Variants in LRRIQ3 observed in about 807,000 individuals in gnomAD.
LRRIQ3 encodes the protein leucine-rich repeat and IQ domain-containing protein 3.
A neutral mutation model predicts 59.3 loss-of-function variants in LRRIQ3; 75 were observed. That is an observed-to-expected ratio of 1.26 (90% CI 1.05 to 1.53). The LOEUF is 1.53. Among genes scored for constraint, LRRIQ3 ranks in the 40% most tolerant of loss-of-function variants. LRRIQ3 has a pLI of 0.00. For missense variants in LRRIQ3, 831 were observed against 710.0 expected (o/e 1.17, Z -1.94); for synonymous variants, 250 against 231.3 (o/e 1.08, Z -0.73).
At chr1:74,118,524 G>C (rs1646809039) in intron 4 of LRRIQ3, among the ~76,000 whole-genome samples, 2 of 151,950 alleles carry the variant, frequency 1.3e-5, no homozygotes, top group South Asian at 4.2e-4. Flanking sequence ...TATCTCTCTT[G>C]CTCTCTTTCT....
chr1:74,096,121 T>A (rs566107343), intron 5 of LRRIQ3, among the ~76,000 whole-genome samples: 2 of 152,080 alleles, frequency 1.3e-5, no homozygotes, highest in African/African-American at 4.8e-5. Context: ...AGAGTGGAAC[T>A]GGTCTATATT....
At chr1:74,098,908 T>C (rs1646488993) in intron 5 of LRRIQ3, among the ~76,000 whole-genome samples, 2 of 152,060 alleles carry the variant, frequency 1.3e-5, no homozygotes, top group Non-Finnish European at 2.9e-5. Context: ...TAAAGCAGTG[T>C]TTAGAGGGAA....
At position 74,132,822 on chromosome 1, in the gene LRRIQ3, A is replaced by C. The variant is rs1647048336; in HGVS notation, c.707+22911T>G. On this transcript the variant is annotated intron_variant, in intron 4 of 7. Transcript: ENST00000354431. ...GACATGGGCAAGGACTTCATGTCTA[A>C]AACATCAAAAGCAATGGCAACAAAA... Among the ~76,000 whole-genome samples, 9 of 152,224 alleles carry C rather than the reference A, an allele frequency of 5.9e-5. No homozygotes were observed. In the South Asian group the frequency reaches 1.9e-3, roughly 31 times the overall value.
chr1:74,038,548 T>A (rs923744368), intron 7 of LRRIQ3, among the ~76,000 whole-genome samples: 6 of 152,140 alleles, frequency 3.9e-5, no homozygotes, highest in African/African-American at 1.4e-4. Context: ...ACCCTATACA[T>A]GAGCATTCCT....
At chr1:74,038,183 G>A (rs142827857) in intron 7 of LRRIQ3, among the ~76,000 whole-genome samples, 257 of 152,242 alleles carry the variant, frequency 1.7e-3, no homozygotes, top group African/African-American at 5.8e-3. Flanking sequence ...CCAACACACC[G>A]GCTGTGGCAG....
chr1:74,035,403 T>C (rs966505592), intron 7 of LRRIQ3, among the ~76,000 whole-genome samples: 1 of 152,212 alleles, frequency 6.6e-6, no homozygotes, highest in Middle Eastern at 3.4e-3. Context: ...TTTATATTTA[T>C]ATGGGTCATG....
chr1:74,080,400 A>G (rs1211221263), intron 5 of LRRIQ3, among the ~76,000 whole-genome samples: 2 of 151,724 alleles, frequency 1.3e-5, no homozygotes, highest in African/African-American at 2.4e-5. Flanking sequence ...TGGTTATAAA[A>G]GTCAGATGGA....
intron 3 of LRRIQ3, among the ~76,000 whole-genome samples, chr1:74,159,159 T>C (rs1648517047): frequency 6.6e-6 from 1 of 152,142 alleles, no homozygotes; most frequent in South Asian, 2.1e-4. Context: ...GATCTTATGG[T>C]CAGAACATTC....
intron 1 of LRRIQ3, among the ~76,000 whole-genome samples, chr1:74,197,722 C>T (rs1651298118): frequency 6.6e-6 from 1 of 152,056 alleles, no homozygotes; most frequent in Non-Finnish European, 1.5e-5. Flanking sequence ...GAACCACAAA[C>T]TTAAGGTTCC....
chr1:74,150,521 TGTA>T (rs1647863914), intron 4 of LRRIQ3, among the ~76,000 whole-genome samples: 1 of 152,180 alleles, frequency 6.6e-6, no homozygotes, highest in African/African-American at 2.4e-5. Context: ...TTTTCCAATA[TGTA>T]TATTAATGTA....
At position 74,182,691 on chromosome 1, in the gene LRRIQ3, A is replaced by G. The variant is rs1238978606; in HGVS notation, c.420T>C (p.Tyr140=). The G allele has an allele frequency of 5.0e-6, 8 of 1,612,668 alleles. No homozygotes were observed. Among genetic ancestry groups the G allele is most frequent in the South Asian group, 1.1e-5 (1 of 91,000 alleles). Residue 140 remains tyrosine (Y), a synonymous_variant, in exon 3 of 8, where the codon TAT becomes TAC. Transcript: ENST00000354431. ...ATATACTGTTAACAAGAACATGTCT[A>G]TATCCTTTTTTAAGGCTTACTGGAC... ...FDCPVSLKKG[Y]RHVLVNSIWP...
At chr1:74,030,219 C>CA (rs1365774106) in intron 7 of LRRIQ3, among the ~76,000 whole-genome samples, 1 of 152,066 alleles carries the variant, frequency 6.6e-6, no homozygotes, top group Non-Finnish European at 1.5e-5. Context: ...GATTCAGTGC[C>CA]ATCCCCATCA....
In LRRIQ3 at chr1:74,043,492, G is replaced by A. The variant is rs1439386630; in HGVS notation, c.998-1559C>T. On this transcript the variant is annotated intron_variant, in intron 6 of 7. Coordinates refer to ENST00000354431, the MANE Select transcript of LRRIQ3 (RefSeq NM_001105659.2). The stretch of plus-strand genomic sequence containing the variant: ...ATTCTACAGCAAAGTAGGAAATCAA[G>A]TCTAGCAAATAGAAAAGGCAGTCCA... Among the ~76,000 whole-genome samples, 5 of 152,184 alleles carry A rather than the reference G, an allele frequency of 3.3e-5. No homozygotes were observed. In the East Asian group the frequency reaches 9.7e-4, roughly 29 times the overall value.
chr1:74,052,309 G>C (rs1654394948), intron 6 of LRRIQ3, among the ~76,000 whole-genome samples: 1 of 152,038 alleles, frequency 6.6e-6, no homozygotes, highest in South Asian at 2.1e-4. Context: ...GAAAAACCAG[G>C]AGCACAATCA....
intron 4 of LRRIQ3, among the ~76,000 whole-genome samples, chr1:74,130,932 T>C (rs954512862): frequency 3.9e-5 from 6 of 152,174 alleles, no homozygotes; most frequent in African/African-American, 1.4e-4. Context: ...AAAGAATCAA[T>C]GAATCCTGGA....
intron 5 of LRRIQ3, among the ~76,000 whole-genome samples, chr1:74,078,127 C>T (rs1202974974): frequency 2.0e-5 from 3 of 151,822 alleles, no homozygotes; most frequent in African/African-American, 4.8e-5. Flanking sequence ...AAATATCCTT[C>T]GCATGGTAAA....
chr1:74,133,156 A>T (rs1203158736), intron 4 of LRRIQ3, among the ~76,000 whole-genome samples: 2 of 152,060 alleles, frequency 1.3e-5, no homozygotes, highest in South Asian at 4.1e-4. Flanking sequence ...TCAAAAACAC[A>T]ATGAGATACC....
chr1:74,120,659 T>C (rs1028955468), intron 4 of LRRIQ3, among the ~76,000 whole-genome samples: 2 of 151,954 alleles, frequency 1.3e-5, no homozygotes, highest in East Asian at 1.9e-4. Context: ...GCCAGATTTA[T>C]CTTATGTATG....
intron 6 of LRRIQ3, among the ~76,000 whole-genome samples, chr1:74,062,767 T>A (rs6669321): frequency 0.82 from 124,487 of 151,866 alleles, 52,800 homozygotes; most frequent in East Asian, 0.97. Flanking sequence ...ATATCACTTA[T>A]GGGAGCTAAA....
Sources: gnomAD v4.1 joint callset for allele counts (sites outside exome capture counted in the v4.1 genomes callset) on GRCh38, gnomAD v4.1.1 for gene constraint, MANE v1.5 for transcripts, NCBI Gene and HGNC (gene_info 2026-07-23, HGNC 2026-07-21) for gene names.